TBX19: variants seen among roughly 807,000 people sequenced by gnomAD.
TBX19 encodes the protein T-box transcription factor TBX19.
In TBX19, 33 loss-of-function variants were observed where a neutral mutation model predicts 40.9. The ratio of observed to expected loss-of-function variants is 0.81; its 90% CI spans 0.61 to 1.08. The LOEUF (loss-of-function observed/expected upper bound fraction) is 1.08. Among genes scored for constraint, TBX19 ranks in the 50% least tolerant of loss-of-function variants. TBX19 has a pLI of 0.00. For missense variants in TBX19, 494 were observed against 574.0 expected (o/e 0.86, Z 1.42); for synonymous variants, 220 against 225.0 (o/e 0.98, Z 0.20).
At position 168,314,041 on chromosome 1, in the gene TBX19, G is replaced by A. The variant is rs1469678985; in HGVS notation, c.*1039G>A. On this transcript the variant is annotated 3_prime_UTR_variant, in exon 8 of 8. Transcript: ENST00000367821. The stretch of plus-strand genomic sequence containing the variant: ...GTTGGCCTCCTATGTATTGGTCAAG[G>A]CAGGCATCTCTGTTCTCTGAACATT... 6.6e-6 allele frequency: 1 copy of A among 152,298 alleles called. No individual in the cohort carries two copies. Among genetic ancestry groups the A allele is most frequent in the Non-Finnish European group, 1.5e-5 (1 of 68,122 alleles). The allele number at this position is 152,298 out of a possible 1,614,324, so 9.4% of individuals were successfully genotyped here. A position where few individuals can be genotyped will look rare whatever the true frequency, so the allele number is the denominator to read the frequency against.
chr1:168,302,655 T>C (rs1216222898), intron 5 of TBX19, among the ~76,000 whole-genome samples: 1 of 151,108 alleles, frequency 6.6e-6, no homozygotes, highest in East Asian at 1.9e-4. Flanking sequence ...AGTAAATAAG[T>C]GGAATGAAAA....
intron 2 of TBX19, among the ~76,000 whole-genome samples, chr1:168,292,921 C>T (rs1648982443): frequency 6.6e-6 from 1 of 151,452 alleles, no homozygotes; most frequent in Admixed American, 6.6e-5. Flanking sequence ...CCACCCCTCA[C>T]CCTTGTAAAG....
chr1:168,289,522 G>T (rs1572474237), intron 1 of TBX19, among the ~76,000 whole-genome samples: 1 of 152,128 alleles, frequency 6.6e-6, no homozygotes, highest in East Asian at 1.9e-4. Flanking sequence ...CGAAGACCTG[G>T]ATTTGGAATG....
At chr1:168,311,468 G>A (rs759060136) in intron 7 of TBX19, among the ~76,000 whole-genome samples, 9 of 152,118 alleles carry the variant, frequency 5.9e-5, no homozygotes, top group African/African-American at 2.2e-4. Flanking sequence ...ATCCCCATAA[G>A]CTGAGCTAGC....
At chr1:168,300,321 C>T in intron 4 of TBX19, 101 bp from the exon 5 acceptor site, 1 of 1,087,584 alleles carries the variant, frequency 9.2e-7, no homozygotes. Context: ...TTTTCTTATT[C>T]TAAGAAATTG....
intron 3 of TBX19, 46 bp downstream of exon 3, chr1:168,293,324 T>C: frequency 6.5e-7 from 1 of 1,549,626 alleles, no homozygotes; most frequent in Non-Finnish European, 8.7e-7. Flanking sequence ...TGTGTGTGTG[T>C]GTAACTGTCA....
intron 3 of TBX19, among the ~76,000 whole-genome samples, chr1:168,295,805 C>G (rs1343410635): frequency 6.6e-6 from 1 of 152,162 alleles, no homozygotes; most frequent in Non-Finnish European, 1.5e-5. Flanking sequence ...CTAACCTCCT[C>G]TGGTCTCCCG....
At chr1:168,281,411 G>A in intron 1 of TBX19, 118 bp downstream of exon 1, 2 of 935,456 alleles carry the variant, frequency 2.1e-6, no homozygotes, top group Non-Finnish European at 3.4e-6. Context: ...GATTAAACAT[G>A]CTTACAGGAA....
At position 168,281,180 on chromosome 1, in the gene TBX19, G is replaced by C. The variant is rs771279737; in HGVS notation, c.90G>C (p.Gly30=). The C allele has an allele frequency of 1.2e-6, 2 of 1,614,200 alleles. No individual in the cohort carries two copies. The highest frequency in any genetic ancestry group is 1.7e-6 in the Non-Finnish European group (2 of 1,180,024). ...LNVVESELQA[G]REKGDPTEKQ... ...TGGTGGAGAGTGAGCTTCAGGCAGG[G>C]AGGGAAAAAGGCGACCCTACGGAGA... The change falls in exon 1 of 8, where the codon GGG becomes GGC. Residue 30 remains glycine, a synonymous_variant. Coordinates refer to ENST00000367821, the MANE Select transcript of TBX19 (RefSeq NM_005149.3).
chr1:168,300,738 T>C (rs1004490534), intron 5 of TBX19, among the ~76,000 whole-genome samples: 4 of 152,236 alleles, frequency 2.6e-5, no homozygotes, highest in Admixed American at 2.6e-4. Context: ...TCTTAGACTC[T>C]GGTTTTCTTG....
intron 6 of TBX19, chr1:168,308,100 C>G (rs1275215720): frequency 6.6e-6 from 1 of 152,666 alleles, no homozygotes; most frequent in Non-Finnish European, 1.5e-5. Context: ...TAAGTGAGAT[C>G]ATATTATGTT....
At chr1:168,289,997 C>T (rs1648898903) in intron 1 of TBX19, among the ~76,000 whole-genome samples, 1 of 152,072 alleles carries the variant, frequency 6.6e-6, no homozygotes, top group African/African-American at 2.4e-5. Context: ...AGTTTGAGAC[C>T]AGCCTGGCCA....
Position 168,312,811 on chromosome 1 carries a change from C to G in TBX19, c.1156C>G (p.Pro386Ala). 1 of 1,614,266 alleles carries G rather than the reference C, an allele frequency of 6.2e-7. No homozygotes were observed. ...STPGAFLLGNPAVTSPPSVLS... is the reference protein window; with the variant it reads ...STPGAFLLGNAAVTSPPSVLS... ...CCCAGGAGCATTTCTCCTCGGAAAC[C>G]CAGCTGTGACTTCACCCCCTTCTGT... Residue 386 changes from proline to alanine, a missense_variant, in exon 8 of 8, where the codon CCA becomes GCA. This residue lies in a region of TBX19 where 284 missense variants were observed against 307.3 expected (regional missense o/e 0.92). Transcript: ENST00000367821.
chr1:168,294,204 T>C (rs940778060), intron 3 of TBX19, among the ~76,000 whole-genome samples: 1 of 152,238 alleles, frequency 6.6e-6, no homozygotes, highest in Non-Finnish European at 1.5e-5. Context: ...TGTATTATGA[T>C]TACCTTTCTA....
chr1:168,293,296 T>A lies in TBX19; in HGVS notation c.603+18T>A, dbSNP rs1342618156. 4.5e-6 allele frequency: 7 copies of A among 1,543,186 alleles called. No individual in the cohort carries two copies. The highest frequency in any genetic ancestry group is 1.6e-5 in the African/African-American group (1 of 63,350). ...ATGAGGAGGTAAGAGTGTGTGTGTG[T>A]GTGTGTGTGTGTGTGTGTGTGTGTG... On this transcript the variant is annotated intron_variant, in intron 3 of 7. Transcript: ENST00000367821.
At chr1:168,304,696 C>G (rs912426190) in intron 5 of TBX19, among the ~76,000 whole-genome samples, 3 of 152,202 alleles carry the variant, frequency 2.0e-5, no homozygotes, top group Non-Finnish European at 4.4e-5. Context: ...AGCTTGGCAG[C>G]TTGAAGGCTA....
At chr1:168,287,552 G>T (rs1460276173) in intron 1 of TBX19, among the ~76,000 whole-genome samples, 1 of 152,120 alleles carries the variant, frequency 6.6e-6, no homozygotes, top group Non-Finnish European at 1.5e-5. Flanking sequence ...TCCCATCTTG[G>T]CCTCTCAAAG....
chr1:168,307,838 A>G (rs985754781), intron 6 of TBX19, among the ~76,000 whole-genome samples: 2 of 152,304 alleles, frequency 1.3e-5, no homozygotes, highest in East Asian at 3.9e-4. Flanking sequence ...TAACATGTCC[A>G]TCTCCTCACA....
intron 1 of TBX19, among the ~76,000 whole-genome samples, chr1:168,288,766 A>G (rs1648866468): frequency 9.4e-6 from 1 of 106,174 alleles, no homozygotes; most frequent in African/African-American, 2.8e-5. Context: ...AAGTTTTGGT[A>G]CTTTTTTTTT....
Sources: gnomAD v4.1 joint callset for allele counts (sites outside exome capture counted in the v4.1 genomes callset) on GRCh38, gnomAD v4.1.1 for gene constraint, gnomAD v4.1.1 regional missense constraint, MANE v1.5 for transcripts, NCBI Gene and HGNC (gene_info 2026-07-23, HGNC 2026-07-21) for gene names.